Variants in ZNF277 observed in about 807,000 individuals in gnomAD.
ZNF277 encodes the protein nuclear receptor-interacting factor 4.
In ZNF277, 55 loss-of-function variants were observed where a neutral mutation model predicts 60.7. The observed-to-expected ratio is 0.91, with a 90% CI of 0.73 to 1.13. ZNF277 has a LOEUF of 1.13. ZNF277 is among the 50% of genes most tolerant of loss of function. ZNF277 has a pLI of 0.00. For synonymous variants in ZNF277, 178 were observed against 179.3 expected (o/e 0.99, Z 0.06); for missense variants, 510 against 523.0 (o/e 0.98, Z 0.24).
chr7:112,337,947 G>A (rs996363725), intron 9 of ZNF277, 121 bp downstream of exon 9: 2 of 783,052 alleles, frequency 2.6e-6, no homozygotes, highest in Non-Finnish European at 3.9e-6. Flanking sequence ...GAAGAGACAG[G>A]CCAGGTCTGT....
At chr7:112,262,121 A>G (rs1791451040) in intron 1 of ZNF277, among the ~76,000 whole-genome samples, 1 of 151,936 alleles carries the variant, frequency 6.6e-6, no homozygotes, top group African/African-American at 2.4e-5. Flanking sequence ...CACTACTCTC[A>G]GCCAGCCTGC....
In ZNF277 at chr7:112,296,166, G is replaced by A. The variant is rs1792321237; in HGVS notation, c.383-63G>A. ...CACATCTGTATTTTTTAAGAAATAA[G>A]TCCTTCTGGGGAAAAAATGGTTAAT... On this transcript the variant is annotated intron_variant, in intron 3 of 11. Coordinates refer to ENST00000361822, the MANE Select transcript of ZNF277 (RefSeq NM_021994.3). 3 of 1,195,884 alleles carry A rather than the reference G, an allele frequency of 2.5e-6. No homozygotes were observed. The Admixed American group carries it at 5.9e-5, about 24-fold the overall frequency. 74.1% of individuals were successfully genotyped at this position (1,195,884 alleles called of 1,614,324 possible). A position where few individuals can be genotyped will look rare whatever the true frequency, so the allele number is the denominator to read the frequency against.
At chr7:112,272,478 GT>G (rs1563211280) in intron 1 of ZNF277, among the ~76,000 whole-genome samples, 1 of 151,994 alleles carries the variant, frequency 6.6e-6, no homozygotes, top group African/African-American at 2.4e-5. Context: ...ATTTTTAGTT[GT>G]TTTTGTTTGT....
chr7:112,249,277 G>A (rs1018432039), intron 1 of ZNF277, among the ~76,000 whole-genome samples: 1 of 152,082 alleles, frequency 6.6e-6, no homozygotes, highest in African/African-American at 2.4e-5. Context: ...TTTCCCTTTT[G>A]TGTTTTAACC....
intron 4 of ZNF277, among the ~76,000 whole-genome samples, chr7:112,317,448 G>A (rs977706175): frequency 4.6e-5 from 7 of 152,104 alleles, no homozygotes; most frequent in African/African-American, 9.7e-5. Flanking sequence ...ATGGTTGCAC[G>A]ATAGAAATAG....
intron 8 of ZNF277, among the ~76,000 whole-genome samples, 155 bp downstream of exon 8, chr7:112,336,326 T>C (rs536218129): frequency 7.0e-4 from 106 of 152,328 alleles, no homozygotes; most frequent in South Asian, 1.7e-3. Flanking sequence ...AAAACTTGAA[T>C]TCAAAATAAC....
chr7:112,279,286 G>A (rs1584371821), intron 1 of ZNF277, among the ~76,000 whole-genome samples: 2 of 152,068 alleles, frequency 1.3e-5, no homozygotes, highest in East Asian at 1.9e-4. Flanking sequence ...GGTTTTGATA[G>A]CATAAGGTGC....
intron 1 of ZNF277, among the ~76,000 whole-genome samples, chr7:112,242,872 G>C (rs1465090354): frequency 1.3e-5 from 2 of 151,938 alleles, no homozygotes; most frequent in East Asian, 3.8e-4. Context: ...GCAATCCTAA[G>C]CAAAAAGGAC....
intron 1 of ZNF277, among the ~76,000 whole-genome samples, chr7:112,279,014 T>C (rs918788971): frequency 1.4e-4 from 21 of 152,226 alleles, no homozygotes; most frequent in African/African-American, 5.1e-4. Flanking sequence ...TGTGACTGGC[T>C]TATTTCTCTT....
intron 1 of ZNF277, among the ~76,000 whole-genome samples, chr7:112,253,380 A>G (rs944493454): frequency 6.6e-6 from 1 of 152,122 alleles, no homozygotes; most frequent in African/African-American, 2.4e-5. Context: ...ACCATAAGCA[A>G]ACTGATGCAT....
chr7:112,282,785 A>G (rs976325587), intron 1 of ZNF277, among the ~76,000 whole-genome samples: 1 of 152,252 alleles, frequency 6.6e-6, no homozygotes, highest in African/African-American at 2.4e-5. Context: ...TAAGAGTGCT[A>G]AAGTGTAAGC....
chr7:112,327,712 C>G lies in ZNF277; in HGVS notation c.558-5C>G. 1 of 1,608,284 alleles carries G rather than the reference C, an allele frequency of 6.2e-7. No homozygotes were observed. The highest frequency in any genetic ancestry group is 8.5e-7 in the Non-Finnish European group (1 of 1,176,992). On this transcript the variant is annotated splice_polypyrimidine_tract_variant and splice_region_variant and intron_variant, in intron 5 of 11. Transcript: ENST00000361822. ...ATAATCCTAATTGCTCAAATTTCTT[C>G]CTAGATCTGTTATTTTGAACCACAT...
chr7:112,321,408 A>T (rs988249619), intron 5 of ZNF277, among the ~76,000 whole-genome samples: 1 of 152,124 alleles, frequency 6.6e-6, no homozygotes, highest in African/African-American at 2.4e-5. Flanking sequence ...TTGTCATACA[A>T]ATTATACCTT....
chr7:112,298,957 C>T (rs758277516), intron 4 of ZNF277, among the ~76,000 whole-genome samples: 1 of 152,150 alleles, frequency 6.6e-6, no homozygotes, highest in East Asian at 1.9e-4. Context: ...CTCTGGGAAT[C>T]TCTCTGTCCT....
chr7:112,285,365 T>A (rs1210938517), intron 1 of ZNF277, among the ~76,000 whole-genome samples: 1 of 151,080 alleles, frequency 6.6e-6, no homozygotes, highest in African/African-American at 2.4e-5. Flanking sequence ...TACCAGTGAC[T>A]GATTCAATTA....
chr7:112,230,406 TAAAGG>T (rs1483542574), intron 1 of ZNF277, among the ~76,000 whole-genome samples: 1 of 152,226 alleles, frequency 6.6e-6, no homozygotes, highest in East Asian at 1.9e-4. Flanking sequence ...TTCTTTATGT[TAAAGG>T]AAAAAGCCCA....
intron 1 of ZNF277, among the ~76,000 whole-genome samples, chr7:112,245,256 A>C (rs1791057091): frequency 6.6e-6 from 1 of 152,162 alleles, no homozygotes; most frequent in Non-Finnish European, 1.5e-5. Context: ...AGCAGTCAGC[A>C]CGTACATTGT....
chr7:112,209,249 G>GTACA (rs1821672490), intron 1 of ZNF277, among the ~76,000 whole-genome samples: 1 of 152,120 alleles, frequency 6.6e-6, no homozygotes, highest in Non-Finnish European at 1.5e-5. Context: ...CCCACTGGTT[G>GTACA]TATATTTTGG....
At chr7:112,258,885 A>G (rs987565767) in intron 1 of ZNF277, among the ~76,000 whole-genome samples, 1 of 151,918 alleles carries the variant, frequency 6.6e-6, no homozygotes, top group Non-Finnish European at 1.5e-5. Flanking sequence ...CCTTTGTGAC[A>G]TTAAAAAAAA....
Sources: allele counts gnomAD v4.1 joint callset (sites outside exome capture counted in the v4.1 genomes callset), GRCh38; gene constraint gnomAD v4.1.1; transcripts MANE v1.5; gene names NCBI Gene and HGNC (gene_info 2026-07-23, HGNC 2026-07-21).